LINGO2: variants seen among roughly 807,000 people sequenced by gnomAD.
LINGO2 encodes leucine-rich repeat and immunoglobulin-like domain-containing nogo receptor-interacting protein 2.
Under a neutral mutation model 30.6 loss-of-function variants are expected in LINGO2, and 14 were observed. The ratio of observed to expected loss-of-function variants is 0.46; its 90% CI spans 0.30 to 0.72. The LOEUF (loss-of-function observed/expected upper bound fraction) is 0.72. LINGO2 is among the 30% of genes least tolerant of loss of function. The probability of loss-of-function intolerance (pLI) is 0.07; values close to 1 mark genes in which losing one functional copy is unlikely to be tolerated. For missense variants in LINGO2, 729 were observed against 751.7 expected (o/e 0.97, Z 0.35); for synonymous variants, 317 against 288.5 (o/e 1.10, Z -1.00).
At chr9:28,060,055 TTAA>T (rs757520009) in intron 4 of LINGO2, among the ~76,000 whole-genome samples, 9 of 152,142 alleles carry the variant, frequency 5.9e-5, no homozygotes, top group Non-Finnish European at 1.2e-4. Context: ...GAAAATGGTT[TTAA>T]TAATAATCAC....
At chr9:28,021,728 A>C (rs568879627) in intron 4 of LINGO2, among the ~76,000 whole-genome samples, 1 of 152,250 alleles carries the variant, frequency 6.6e-6, no homozygotes, top group South Asian at 2.1e-4. Flanking sequence ...TGACCTATTT[A>C]TATAATGCTC....
At chr9:28,479,899 ATATATACGTAGG>A (rs1310268474) in intron 1 of LINGO2, among the ~76,000 whole-genome samples, 5 of 105,420 alleles carry the variant, frequency 4.7e-5, no homozygotes, top group Non-Finnish European at 1.0e-4. Flanking sequence ...GTGTATGTGT[ATATATACGTAGG>A]TATATATATA....
At chr9:28,681,559 G>A in the LINGO2 span, among the ~76,000 whole-genome samples, 1 of 152,064 alleles carries the variant, frequency 6.6e-6, no homozygotes, top group Middle Eastern at 3.2e-3. Flanking sequence ...AGGAAAAAGG[G>A]ATATGGGAAT....
At chr9:28,551,897 C>T (rs1424414415) in intron 1 of LINGO2, among the ~76,000 whole-genome samples, 3 of 152,016 alleles carry the variant, frequency 2.0e-5, no homozygotes, top group African/African-American at 7.2e-5. Flanking sequence ...TTTACATTGC[C>T]ATATTGATAT....
chr9:28,945,349 A>G, the LINGO2 span, among the ~76,000 whole-genome samples: 1 of 152,172 alleles, frequency 6.6e-6, no homozygotes, highest in Non-Finnish European at 1.5e-5. Flanking sequence ...CTTGACCATC[A>G]TGTTTTATTT....
At chr9:28,580,242 T>C (rs779289796) in intron 1 of LINGO2, among the ~76,000 whole-genome samples, 5 of 152,078 alleles carry the variant, frequency 3.3e-5, no homozygotes, top group Admixed American at 2.0e-4. Flanking sequence ...GGACAGCTAA[T>C]GTATAAATCC....
At chr9:28,004,991 A>G (rs1470138852) in intron 5 of LINGO2, among the ~76,000 whole-genome samples, 3 of 152,232 alleles carry the variant, frequency 2.0e-5, no homozygotes, top group African/African-American at 7.2e-5. Context: ...TTTCTTAGAC[A>G]TATGCAGCGA....
At chr9:29,130,926 A>G in the LINGO2 span, among the ~76,000 whole-genome samples, 1 of 152,070 alleles carries the variant, frequency 6.6e-6, no homozygotes, top group African/African-American at 2.4e-5. Context: ...TGAGACCTGG[A>G]ATCTGAAGCA....
intron 5 of LINGO2, among the ~76,000 whole-genome samples, chr9:27,952,707 T>C (rs992362281): frequency 3.3e-5 from 5 of 152,108 alleles, no homozygotes; most frequent in African/African-American, 1.2e-4. Flanking sequence ...TGATATTTTG[T>C]GGGAAAATTT....
chr9:28,810,290 C>A, the LINGO2 span, among the ~76,000 whole-genome samples: 3 of 152,016 alleles, frequency 2.0e-5, no homozygotes, highest in Non-Finnish European at 2.9e-5. Context: ...TAAAGTCAGA[C>A]AAGGATTTTC....
At chr9:28,654,819 T>C (rs1035617723) in intron 1 of LINGO2, among the ~76,000 whole-genome samples, 7 of 152,126 alleles carry the variant, frequency 4.6e-5, no homozygotes, top group African/African-American at 1.7e-4. Context: ...ATCCAATTCA[T>C]AAAATATTCA....
chr9:28,591,323 A>C (rs1824898247), intron 1 of LINGO2, among the ~76,000 whole-genome samples: 1 of 152,014 alleles, frequency 6.6e-6, no homozygotes, highest in Non-Finnish European at 1.5e-5. Context: ...ATATATATAT[A>C]TAAAAGTCAC....
chr9:28,255,097 C>T (rs959051084), intron 4 of LINGO2, among the ~76,000 whole-genome samples: 1 of 152,034 alleles, frequency 6.6e-6, no homozygotes, highest in Admixed American at 6.6e-5. Flanking sequence ...AATTTTATTT[C>T]AAAATAGTTG....
chr9:28,846,500 G>A, the LINGO2 span, among the ~76,000 whole-genome samples: 6 of 143,088 alleles, frequency 4.2e-5, no homozygotes, highest in Non-Finnish European at 4.6e-5. Context: ...AGATGGAAGT[G>A]GGTGTTAAAT....
the LINGO2 span, among the ~76,000 whole-genome samples, chr9:29,166,727 T>A: frequency 6.6e-6 from 1 of 152,162 alleles, no homozygotes. Context: ...TTACATAACT[T>A]CAGCTATTCT....
chr9:28,503,587 T>C (rs1819980727), intron 1 of LINGO2, among the ~76,000 whole-genome samples: 3 of 152,030 alleles, frequency 2.0e-5, no homozygotes, highest in Admixed American at 2.0e-4. Context: ...AAAATTGTTA[T>C]TTAGAAAACT....
chr9:28,251,168 C>T (rs188586773), intron 4 of LINGO2, among the ~76,000 whole-genome samples: 4 of 152,234 alleles, frequency 2.6e-5, no homozygotes, highest in East Asian at 3.9e-4. Context: ...TTCTCTGCCC[C>T]CTATGATGAA....
At chr9:29,060,956 A>T in the LINGO2 span, among the ~76,000 whole-genome samples, 1 of 152,014 alleles carries the variant, frequency 6.6e-6, no homozygotes, top group East Asian at 1.9e-4. Context: ...AGATTACAGC[A>T]GAAAAAAATA....
chr9:28,914,806 A>G, the LINGO2 span, among the ~76,000 whole-genome samples: 33 of 152,324 alleles, frequency 2.2e-4, no homozygotes, highest in African/African-American at 7.5e-4. Context: ...AAACTTTACA[A>G]TCACTAACCC....
Sources: gnomAD v4.1 joint callset for allele counts (sites outside exome capture counted in the v4.1 genomes callset) on GRCh38, gnomAD v4.1.1 for gene constraint, MANE v1.5 for transcripts, NCBI Gene and HGNC (gene_info 2026-07-23, HGNC 2026-07-21) for gene names.